The following ROS1 variants were observed in gnomAD, a reference collection of about 807,000 sequenced individuals.
The protein encoded by ROS1 is ROS proto-oncogene 1, receptor tyrosine kinase, also known as proto-oncogene tyrosine-protein kinase ROS.
A neutral mutation model predicts 273.5 loss-of-function variants in ROS1; 263 were observed. The ratio of observed to expected loss-of-function variants is 0.96; its 90% CI spans 0.87 to 1.06. The LOEUF is 1.06. Among genes scored for constraint, ROS1 ranks in the 50% least tolerant of loss-of-function variants. The pLI is 0.00. For missense variants in ROS1, 2,833 were observed against 2,751.1 expected, an observed-to-expected ratio of 1.03 and a Z score of -0.67; for synonymous variants, 1,008 against 954.1, an observed-to-expected ratio of 1.06 and a Z score of -1.04.
intron 36 of ROS1, among the ~76,000 whole-genome samples, chr6:117,320,397 C>T (rs1776211172): frequency 6.6e-6 from 1 of 152,072 alleles, no homozygotes; most frequent in East Asian, 1.9e-4. Context: ...GTAATAAATG[C>T]ATCTGGGTTT....
At chr6:117,330,080 C>T (rs1032728433) in intron 32 of ROS1, among the ~76,000 whole-genome samples, 1 of 152,172 alleles carries the variant, frequency 6.6e-6, no homozygotes, top group African/African-American at 2.4e-5. Flanking sequence ...CCCTGGGCGG[C>T]GGGGAGAAAT....
chr6:117,291,930 A>T (rs1223980013), intron 43 of ROS1, among the ~76,000 whole-genome samples: 1 of 151,958 alleles, frequency 6.6e-6, no homozygotes, highest in Non-Finnish European at 1.5e-5. Flanking sequence ...AGGCCTGCTA[A>T]CACCCATTAT....
chr6:117,337,822 CT>C (rs993287456), intron 31 of ROS1, among the ~76,000 whole-genome samples: 1 of 151,924 alleles, frequency 6.6e-6, no homozygotes, highest in Non-Finnish European at 1.5e-5. Flanking sequence ...CAAACTAAGA[CT>C]TTTTTTTCCT....
chr6:117,418,764 T>C (rs1775531828), intron 1 of ROS1, among the ~76,000 whole-genome samples: 1 of 151,978 alleles, frequency 6.6e-6, no homozygotes, highest in African/African-American at 2.4e-5. Context: ...AGGGAGAGAG[T>C]CTCATGCAGA....
rs1029038641 is a variant in ROS1 at position 117,341,134 on chromosome 6, C to T, written c.5061+1G>A. The T allele has an allele frequency of 6.3e-7, 1 of 1,596,166 alleles. No individual in the cohort carries two copies. Among genetic ancestry groups the T allele is most frequent in the Non-Finnish European group, 8.5e-7 (1 of 1,172,086 alleles). The stretch of plus-strand genomic sequence containing the variant: ...AATAAAGACTTGCATTAAAAGTCTA[C>T]CTTCTGTAGCTCAACCCAAAATCTG... On this transcript the variant is annotated splice_donor_variant, in intron 31 of 43. Transcript: ENST00000368507. LOFTEE classifies it high-confidence loss of function.
intron 26 of ROS1, among the ~76,000 whole-genome samples, chr6:117,354,110 G>A (rs111505464): frequency 3.5e-4 from 53 of 152,280 alleles, no homozygotes; most frequent in African/African-American, 1.2e-3. Context: ...CAGCACTTTG[G>A]GAGGTCAAGG....
rs1474055693 is a variant in ROS1, at chr6:117,326,089, GATTAT to G, written c.5539+130_5539+134del. 1,024 of 166,642 alleles carry G rather than the reference GATTAT, an allele frequency of 6.1e-3. 10 individuals carry two copies. Among genetic ancestry groups the G allele is most frequent in the East Asian group, 0.024 (253 of 10,544 alleles). 10.3% of individuals were successfully genotyped at this position (166,642 alleles called of 1,614,324 possible). The stretch of plus-strand genomic sequence containing the variant: ...AATAGTTTAATAGTTTGGATAATAA[GATTAT>G]ATATATATATATATATATATATATA... On this transcript the variant is annotated intron_variant, in intron 34 of 43. Coordinates refer to ENST00000368507, the MANE Select transcript of ROS1 (RefSeq NM_001378902.1).
rs757065310 is a variant in ROS1 at position 117,394,623 on chromosome 6, A to G, written c.999T>C (p.Asn333=). 4 of 1,605,276 alleles carry G rather than the reference A, an allele frequency of 2.5e-6. No individual in the cohort carries two copies. The highest frequency in any genetic ancestry group is 3.4e-6 in the Non-Finnish European group (4 of 1,175,298). The change falls in exon 10 of 44, where the codon AAT becomes AAC. Residue 333 remains asparagine, a synonymous_variant. Coordinates refer to ENST00000368507, the MANE Select transcript of ROS1 (RefSeq NM_001378902.1). The part of the protein sequence containing the change: ...HCLRLDAIYH[N]ITGISVDVHQ... ...TATCCTTATCATACTGACCTGTAAT[A>G]TTATGGTATATAGCATCCAACCGAA...
At chr6:117,357,275 T>C (rs1779398792) in intron 25 of ROS1, among the ~76,000 whole-genome samples, 1 of 152,218 alleles carries the variant, frequency 6.6e-6, no homozygotes, top group Non-Finnish European at 1.5e-5. Context: ...TGCTTCTTAA[T>C]ACTAGTTAAT....
chr6:117,354,322 C>T (rs984234654), intron 26 of ROS1, among the ~76,000 whole-genome samples: 4 of 151,562 alleles, frequency 2.6e-5, no homozygotes, highest in African/African-American at 9.7e-5. Flanking sequence ...CACTGCACTC[C>T]AGCCTGGGCA....
Position 117,396,964 on chromosome 6 carries a change from G to T in ROS1, c.757C>A (p.Gln253Lys). 6.2e-7 allele frequency: 1 copy of T among 1,614,044 alleles called. No homozygotes were observed. ...GAGTAAAACTGGAAACTGGTTCTCT[G>T]TGTCCCTGCATCTAATTTTTGATTT... is the stretch of plus-strand genomic sequence containing the variant. ...SKNQKLDAGT[Q>K]RTSFQFYSTL... Residue 253 changes from glutamine to lysine, a missense_variant, in exon 8 of 44, where the codon CAG becomes AAG. Gln to Lys is a moderately conservative substitution (Grantham distance 53). Transcript: ENST00000368507.
intron 35 of ROS1, among the ~76,000 whole-genome samples, chr6:117,322,258 C>A (rs111963868): frequency 1.3e-5 from 2 of 152,094 alleles, no homozygotes; most frequent in Non-Finnish European, 2.9e-5. Flanking sequence ...ATTTTTCCAA[C>A]TTGAAATGTT....
chr6:117,345,567 T>G (rs915450226), intron 27 of ROS1, among the ~76,000 whole-genome samples: 1 of 152,218 alleles, frequency 6.6e-6, no homozygotes, highest in African/African-American at 2.4e-5. Flanking sequence ...GTGTTGTCGA[T>G]CCTTATGAAT....
chr6:117,350,681 T>G (rs1256337435), intron 27 of ROS1, among the ~76,000 whole-genome samples: 1 of 135,632 alleles, frequency 7.4e-6, no homozygotes, highest in East Asian at 2.1e-4. Context: ...TGTTTCGGTT[T>G]TTTTCCTTTT....
intron 4 of ROS1, among the ~76,000 whole-genome samples, chr6:117,411,016 A>G (rs1774859805): frequency 6.6e-6 from 1 of 152,178 alleles, no homozygotes; most frequent in Non-Finnish European, 1.5e-5. Flanking sequence ...TTTTCCAAAA[A>G]AGAAAACTGA....
chr6:117,377,826 C>A (rs963107028), intron 18 of ROS1, among the ~76,000 whole-genome samples: 1 of 150,806 alleles, frequency 6.6e-6, no homozygotes, highest in Non-Finnish European at 1.5e-5. Context: ...ATATACAGAA[C>A]AACCCAATAA....
At chr6:117,407,734 C>CA (rs957966808) in intron 5 of ROS1, among the ~76,000 whole-genome samples, 1 of 152,016 alleles carries the variant, frequency 6.6e-6, no homozygotes, top group Non-Finnish European at 1.5e-5. Flanking sequence ...CACATGGAAC[C>CA]AAAAAAATGC....
intron 34 of ROS1, among the ~76,000 whole-genome samples, chr6:117,325,319 C>T (rs1776555906): frequency 6.6e-6 from 1 of 152,056 alleles, no homozygotes; most frequent in Non-Finnish European, 1.5e-5. Context: ...AGCTAAGGGG[C>T]ACAGGGTAGG....
Position 117,356,841 on chromosome 6 carries a change from T to C in ROS1, c.3914A>G (p.His1305Arg), listed in dbSNP as rs772575534. ...FYYSIISHTL[H>R]RILQPTATNQ... ...TGTAGCTGTGGGTTGCAGAATTCGG[T>C]GCAAGGTGTGACTGATAATACTGTA... Residue 1305 changes from histidine to arginine, a missense_variant, in exon 26 of 44, where the codon CAC (histidine) becomes CGC (arginine). Physicochemically the swap from His to Arg is conservative, Grantham distance 29. Transcript: ENST00000368507. 5.0e-6 allele frequency: 8 copies of C among 1,614,158 alleles called. No homozygotes were observed. The South Asian group carries it at 8.8e-5, about 18-fold the overall frequency.
Sources: gnomAD v4.1 joint callset for allele counts (sites outside exome capture counted in the v4.1 genomes callset) on GRCh38, gnomAD v4.1.1 for gene constraint, MANE v1.5 for transcripts, NCBI Gene and HGNC (gene_info 2026-07-23, HGNC 2026-07-21) for gene names.